FAM178B: variants seen among roughly 807,000 people sequenced by gnomAD.
The protein encoded by FAM178B is family with sequence similarity 178 member B.
In FAM178B, 82 loss-of-function variants were observed where a neutral mutation model predicts 91.7. The ratio of observed to expected loss-of-function variants is 0.89; its 90% CI spans 0.75 to 1.07. The LOEUF (loss-of-function observed/expected upper bound fraction) is 1.07, where lower values mean the gene tolerates loss of function less well. Among genes scored for constraint, FAM178B ranks in the 50% least tolerant of loss-of-function variants. The pLI, the probability that FAM178B is intolerant of heterozygous loss-of-function variation, is 0.00. For synonymous variants in FAM178B, 368 were observed against 359.4 expected, an observed-to-expected ratio of 1.02 and a Z score of -0.27; for missense variants, 769 against 846.7, an observed-to-expected ratio of 0.91 and a Z score of 1.14.
At position 96,958,099 on chromosome 2, in the gene FAM178B, C is replaced by T. The variant is rs1475316762; in HGVS notation, c.887+2189G>A. Reference sequence around the variant, plus strand: ...TTTTTTTTTTTTTGAGATGGAGTCTCGCTCTGTCCCCTAGGCTGGAGTGCA... The same window carrying T: ...TTTTTTTTTTTTTGAGATGGAGTCTTGCTCTGTCCCCTAGGCTGGAGTGCA... On this transcript the variant is annotated intron_variant, in intron 6 of 16. Coordinates refer to ENST00000490605, the MANE Select transcript of FAM178B (RefSeq NM_001122646.3). 1.3e-4 allele frequency among the ~76,000 whole-genome samples: 18 copies of T among 139,018 alleles called. 1 individual carries two copies. Among genetic ancestry groups the T allele is most frequent in the African/African-American group, 3.2e-4 (12 of 37,002 alleles). 91.2% of individuals were successfully genotyped at this position (139,018 alleles called of 152,430 possible). A position where few individuals can be genotyped will look rare whatever the true frequency, so the allele number is the denominator to read the frequency against.
chr2:96,878,551 T>A (rs1488266918), intron 14 of FAM178B, 58 bp from the exon 15 acceptor site: 5 of 1,538,052 alleles, frequency 3.3e-6, no homozygotes, highest in Non-Finnish European at 3.6e-6. Flanking sequence ...CAGCATGGCG[T>A]GCCCTCCACC....
chr2:96,974,339 G>C (rs976681280), intron 1 of FAM178B, among the ~76,000 whole-genome samples: 6 of 129,942 alleles, frequency 4.6e-5, no homozygotes, highest in Non-Finnish European at 9.2e-5. Context: ...CCAAGATCGT[G>C]CCACTGTACT....
At chr2:96,955,765 C>T (rs1304987884) in intron 6 of FAM178B, among the ~76,000 whole-genome samples, 2 of 152,122 alleles carry the variant, frequency 1.3e-5, no homozygotes, top group Admixed American at 6.5e-5. Context: ...CCTCCGCTTG[C>T]TCTTTATTTT....
rs760432973 is a variant in FAM178B at position 96,947,934 on chromosome 2, C to T, written c.994-32G>A. 4 of 1,197,668 alleles carry T rather than the reference C, an allele frequency of 3.3e-6. No individual in the cohort carries two copies. The South Asian group carries it at 5.2e-5, about 16-fold the overall frequency. 74.2% of individuals were successfully genotyped at this position (1,197,668 alleles called of 1,614,324 possible). Reference sequence around the variant, plus strand: ...GGAAAAAAAAAACAAAAACAAAAACCTGGTGAGCTGGGTCATTCCTAAGAA... The same window carrying T: ...GGAAAAAAAAAACAAAAACAAAAACTTGGTGAGCTGGGTCATTCCTAAGAA... On this transcript the variant is annotated intron_variant, in intron 7 of 16. Transcript: ENST00000490605.
intron 13 of FAM178B, among the ~76,000 whole-genome samples, chr2:96,897,625 T>C (rs2080848832): frequency 1.3e-5 from 2 of 152,172 alleles, no homozygotes; most frequent in South Asian, 4.1e-4. Context: ...CATCCCACTG[T>C]CTGTACTTGG....
intron 7 of FAM178B, chr2:96,950,032 C>G (rs897260254): frequency 7.1e-6 from 7 of 985,736 alleles, no homozygotes; most frequent in Non-Finnish European, 1.2e-6. Flanking sequence ...CCCCTCGCAG[C>G]ATGATGGAGA....
intron 1 of FAM178B, among the ~76,000 whole-genome samples, chr2:96,975,612 T>C (rs1574323717): frequency 6.6e-6 from 1 of 152,232 alleles, no homozygotes; most frequent in Non-Finnish European, 1.5e-5. Flanking sequence ...CAATAAATTA[T>C]TGTAAACTAT....
intron 1 of FAM178B, among the ~76,000 whole-genome samples, chr2:96,980,728 C>T (rs2082350433): frequency 6.6e-6 from 1 of 152,074 alleles, no homozygotes; most frequent in African/African-American, 2.4e-5. Context: ...TTTGGGTTTC[C>T]CTGGTTCTAA....
chr2:96,913,161 C>CAGT (rs2081187587), intron 12 of FAM178B, among the ~76,000 whole-genome samples: 1 of 152,176 alleles, frequency 6.6e-6, no homozygotes, highest in Admixed American at 6.5e-5. Flanking sequence ...ATTAAGGGTG[C>CAGT]AGTGGGCAGC....
chr2:96,956,016 C>T (rs993382083), intron 6 of FAM178B, among the ~76,000 whole-genome samples: 8 of 152,202 alleles, frequency 5.3e-5, no homozygotes, highest in East Asian at 3.9e-4. Flanking sequence ...GTGGAAAGCA[C>T]GCTGGTCCTC....
At chr2:96,891,928 C>T (rs1440096914) in intron 14 of FAM178B, among the ~76,000 whole-genome samples, 1 of 152,202 alleles carries the variant, frequency 6.6e-6, no homozygotes, top group Admixed American at 6.5e-5. Flanking sequence ...CTCAGGTCAA[C>T]CCTACTCTGG....
At chr2:96,877,794 G>A in intron 16 of FAM178B, 96 bp downstream of exon 16, 1 of 1,286,252 alleles carries the variant, frequency 7.8e-7, no homozygotes. Context: ...CAGGAGCTCA[G>A]CAGCTGCAGC....
intron 8 of FAM178B, among the ~76,000 whole-genome samples, chr2:96,933,197 C>T (rs1050961774): frequency 6.6e-6 from 1 of 151,982 alleles, no homozygotes; most frequent in African/African-American, 2.4e-5. Flanking sequence ...TAGCCGAGAT[C>T]GCGCCACTGC....
chr2:96,887,009 T>C (rs1399812438), intron 14 of FAM178B, among the ~76,000 whole-genome samples: 1 of 152,060 alleles, frequency 6.6e-6, no homozygotes, highest in Non-Finnish European at 1.5e-5. Flanking sequence ...GGTCAGGAGA[T>C]CGAGACCATC....
At chr2:96,924,326 T>C (rs2081397992) in intron 9 of FAM178B, among the ~76,000 whole-genome samples, 1 of 152,168 alleles carries the variant, frequency 6.6e-6, no homozygotes, top group African/African-American at 2.4e-5. Flanking sequence ...CCAGCAAGTA[T>C]GGGGGAAATC....
intron 8 of FAM178B, among the ~76,000 whole-genome samples, chr2:96,946,580 G>C (rs2081832417): frequency 6.6e-6 from 1 of 152,250 alleles, no homozygotes; most frequent in African/African-American, 2.4e-5. Context: ...CCAGAGCTAA[G>C]CTGACAGGGG....
At chr2:96,901,176 CTTTTTTTTTTTTT>C (rs1195230304) in intron 13 of FAM178B, among the ~76,000 whole-genome samples, 1 of 132,470 alleles carries the variant, frequency 7.5e-6, no homozygotes. Flanking sequence ...ATTCTTTTTT[CTTTTTTTTTTTTT>C]TTTTTTAGAG....
At chr2:96,919,279 G>A (rs1013301622) in intron 12 of FAM178B, among the ~76,000 whole-genome samples, 16 of 152,354 alleles carry the variant, frequency 1.1e-4, no homozygotes, top group African/African-American at 3.6e-4. Flanking sequence ...CTGGCTGGAC[G>A]AGGTGGATGA....
chr2:96,935,605 A>G (rs72811680), intron 8 of FAM178B, among the ~76,000 whole-genome samples: 4,561 of 151,218 alleles, frequency 0.03, 101 homozygotes, highest in Middle Eastern at 0.068. Flanking sequence ...TGAATAATCT[A>G]TCAGATTCTC....
Sources: gnomAD v4.1 joint callset for allele counts (sites outside exome capture counted in the v4.1 genomes callset) on GRCh38, gnomAD v4.1.1 for gene constraint, MANE v1.5 for transcripts, NCBI Gene and HGNC (gene_info 2026-07-23, HGNC 2026-07-21) for gene names.